The following TSC2 variants were observed in gnomAD, a reference collection of about 807,000 sequenced individuals.
TSC2 encodes the protein tuberin.
Under a neutral mutation model 202.2 loss-of-function variants are expected in TSC2, and 29 were observed. The observed-to-expected ratio is 0.14, with a 90% CI of 0.11 to 0.20. TSC2 has a LOEUF of 0.20. Ranked by LOEUF, TSC2 falls within the 10% of genes least tolerant of loss-of-function variation. TSC2 has a pLI of 1.00. For missense variants in TSC2, 2,429 were observed against 2,420.0 expected, an observed-to-expected ratio of 1.00 and a Z score of -0.08; for synonymous variants, 1,349 against 1,044.0, an observed-to-expected ratio of 1.29 and a Z score of -5.63.
At position 2,055,068 on chromosome 16, in the gene TSC2, G is replaced by T. The variant is rs191403872; in HGVS notation, c.482-334G>T. ...TCCTCCGAGCCACTCTCTGCTGGGG[G>T]TGGGGAACGCCCAGGAGTCTGGTGA... On this transcript the variant is annotated intron_variant, in intron 5 of 41. Transcript: ENST00000219476. The T allele has an allele frequency of 1.2e-5, 5 of 422,730 alleles. No individual in the cohort carries two copies. In the East Asian group the frequency reaches 1.5e-4, roughly 13 times the overall value. 26.2% of individuals were successfully genotyped at this position (422,730 alleles called of 1,614,324 possible).
chr16:2,076,191 G>T (rs376889517), intron 24 of TSC2, 21 bp downstream of exon 24: 1 of 1,613,348 alleles, frequency 6.2e-7, no homozygotes, highest in Non-Finnish European at 8.5e-7. Flanking sequence ...GGCCGGTGAA[G>T]GCTGTGTCTC....
In TSC2 at chr16:2,080,197, G is replaced by T. The variant is rs45517294; in HGVS notation, c.3430G>T (p.Val1144Leu). The T allele has an allele frequency of 1.9e-6, 3 of 1,612,800 alleles. No homozygotes were observed. The highest frequency in any genetic ancestry group is 4.5e-5 in the East Asian group (2 of 44,884). Reference protein sequence around the residue: ...GHGLRVGALDVPASQFLGSAT... With the variant: ...GHGLRVGALDLPASQFLGSAT... ...TGGTCTTCGAGTTGGCGCCCTGGAC[G>T]TGCCGGCCTCCCAGTTCCTGGGCAG... Residue 1144 changes from valine to leucine, a missense_variant, in exon 30 of 42, where the codon GTG (valine) becomes TTG (leucine). By Grantham distance (32) the Val-to-Leu change is conservative. Coordinates refer to ENST00000219476, the MANE Select transcript of TSC2 (RefSeq NM_000548.5).
chr16:2,050,297 A>T, intron 2 of TSC2, 103 bp from the exon 3 acceptor site: 1 of 1,083,200 alleles, frequency 9.2e-7, no homozygotes, highest in Non-Finnish European at 1.4e-6. Context: ...TTAAGTCTCT[A>T]GTCTGGAAAA....
At chr16:2,061,693 C>G (rs1345227622) in intron 11 of TSC2, 178 bp from the exon 12 acceptor site, 8 of 1,040,616 alleles carry the variant, frequency 7.7e-6, no homozygotes, top group Admixed American at 6.0e-5. Flanking sequence ...CTGGGGGTGT[C>G]TCAACCCATG....
intron 7 of TSC2, 130 bp from the exon 8 acceptor site, chr16:2,056,514 A>G (rs1596276930): frequency 7.1e-7 from 1 of 1,401,412 alleles, no homozygotes. Context: ...TGTGGCTTGG[A>G]GAGAGGGTGC....
At chr16:2,082,863 G>A (rs1036083182) in intron 32 of TSC2, 16 of 424,084 alleles carry the variant, frequency 3.8e-5, no homozygotes, top group African/African-American at 1.4e-4. Flanking sequence ...TGCACCGAGC[G>A]GGCCTTGCCC....
rs45517340 is a variant in TSC2, at chr16:2,084,597, C to A, written c.4375C>A (p.Arg1459=). The change falls in exon 34 of 42, where the codon CGA becomes AGA. Residue 1459 remains arginine (R), a synonymous_variant. Transcript: ENST00000219476. ...SPRSPSGLRP[R]GYTISDSAPS... ...CCGCTCGCCCAGTGGCCTCCGGCCC[C>A]GAGGTTACACCATCTCCGACTCGGC... 6.2e-7 allele frequency: 1 copy of A among 1,604,126 alleles called. No individual in the cohort carries two copies. The highest frequency in any genetic ancestry group is 8.5e-7 in the Non-Finnish European group (1 of 1,179,682).
In TSC2 at chr16:2,082,439, C is replaced by T. The variant is rs749367382; in HGVS notation, c.3818C>T (p.Ala1273Val). Residue 1273 changes from alanine (A) to valine (V), a missense_variant, in exon 32 of 42, where the codon GCC (alanine) becomes GTC (valine). Ala to Val is a moderately conservative substitution (Grantham distance 64, BLOSUM62 0). Coordinates refer to ENST00000219476, the MANE Select transcript of TSC2 (RefSeq NM_000548.5). ...PPPLPRSNTV[A>V]SFSSLYQSSC... The stretch of plus-strand genomic sequence containing the variant: ...CGCACACGGCCTTCCCTTGCAGTGG[C>T]CTCTTTCTCCTCCCTGTACCAGTCC... The T allele has an allele frequency of 1.3e-5, 21 of 1,612,590 alleles. 1 individual carries two copies. The Middle Eastern group carries it at 1.5e-3, about 114-fold the overall frequency.
intron 3 of TSC2, among the ~76,000 whole-genome samples, chr16:2,052,069 CAAAA>C (rs908926173): frequency 2.6e-5 from 4 of 151,524 alleles, no homozygotes; most frequent in African/African-American, 4.9e-5. Context: ...TCTCAGAAAA[CAAAA>C]AAAAGAACAA....
Position 2,088,898 on chromosome 16 carries a change from C to CACACAG in TSC2, c.*289_*290insCACAGA. On this transcript the variant is annotated 3_prime_UTR_variant, in exon 42 of 42. Coordinates refer to ENST00000219476, the MANE Select transcript of TSC2 (RefSeq NM_000548.5). ...GCGCGCGCGCACACACACACACACA[C>CACACAG]AGTCACCTTCCTCCACCCTGGGAGC... 2.3e-6 allele frequency: 1 copy of CACACAG among 431,588 alleles called. No individual in the cohort carries two copies. The allele number at this position is 431,588 out of a possible 1,614,324, so 26.7% of individuals were successfully genotyped here.
intron 26 of TSC2, chr16:2,078,389 A>T (rs1261138734): frequency 6.1e-6 from 1 of 164,670 alleles, no homozygotes; most frequent in East Asian, 1.8e-4. Flanking sequence ...CCCTCAGTCC[A>T]TCCACCTCCT....
At position 2,054,198 on chromosome 16, in the gene TSC2, A is replaced by G. The variant is rs925307448; in HGVS notation, c.337-98A>G. ...GCCTCTGTGGGAAGGAGAGGGGTCCAGGGCTGGAGTCCGGGTGCCCCTGCA... is the reference window on the plus strand; with the variant it reads ...GCCTCTGTGGGAAGGAGAGGGGTCCGGGGCTGGAGTCCGGGTGCCCCTGCA... On this transcript the variant is annotated intron_variant, in intron 4 of 41. Coordinates refer to ENST00000219476, the MANE Select transcript of TSC2 (RefSeq NM_000548.5). 3.1e-6 allele frequency: 5 copies of G among 1,592,514 alleles called. No homozygotes were observed. In the South Asian group the frequency reaches 5.5e-5, roughly 18 times the overall value.
intron 8 of TSC2, 82 bp from the exon 9 acceptor site, chr16:2,057,023 A>G: frequency 6.6e-7 from 1 of 1,524,652 alleles, no homozygotes; most frequent in Non-Finnish European, 8.9e-7. Context: ...ATAGGGCAGC[A>G]GCCAGGCGGG....
intron 22 of TSC2, chr16:2,074,671 C>T (rs931674488): frequency 3.8e-6 from 2 of 525,254 alleles, no homozygotes; most frequent in African/African-American, 1.9e-5. Flanking sequence ...GGCCTCCTCT[C>T]TGTCCAACAG....
intron 14 of TSC2, 86 bp downstream of exon 14, chr16:2,063,139 G>A: frequency 1.4e-6 from 2 of 1,478,516 alleles, no homozygotes; most frequent in Non-Finnish European, 1.8e-6. Context: ...CTCCCGCAGA[G>A]CCGGGCTCTG....
At chr16:2,052,004 G>A (rs1158298490) in intron 3 of TSC2, among the ~76,000 whole-genome samples, 1 of 152,204 alleles carries the variant, frequency 6.6e-6, no homozygotes, top group East Asian at 1.9e-4. Context: ...GGCAGAGGTT[G>A]TGGTGAGCTG....
In TSC2 at chr16:2,058,826, T is replaced by C. The variant is rs2151108393; in HGVS notation, c.928T>C (p.Tyr310His). Residue 310 changes from tyrosine (Y) to histidine (H), a missense_variant, in exon 10 of 42, where the codon TAT becomes CAT. Coordinates refer to ENST00000219476, the MANE Select transcript of TSC2 (RefSeq NM_000548.5). ...GGCTCTCTGGGGAGCCCACCGGCTC[T>C]ATTCTCTCAGGAACTCGCCGACATC... Reference protein sequence around the residue: ...GMALWGAHRLYSLRNSPTSVL... With the variant: ...GMALWGAHRLHSLRNSPTSVL... 3.1e-6 allele frequency: 5 copies of C among 1,605,598 alleles called. No homozygotes were observed. Among genetic ancestry groups the C allele is most frequent in the Non-Finnish European group, 4.3e-6 (5 of 1,176,020 alleles).
rs2151044801 is a variant in TSC2, at chr16:2,054,436, G to C, written c.477G>C (p.Glu159Asp). 1 of 1,614,214 alleles carries C rather than the reference G, an allele frequency of 6.2e-7. No homozygotes were observed. Among genetic ancestry groups the C allele is most frequent in the South Asian group, 1.1e-5 (1 of 91,090 alleles). ...NGRHITYLEE[E>D]LADFVLQWMD... The stretch of plus-strand genomic sequence containing the variant: ...GACACATCACCTACTTGGAGGAAGA[G>C]CTGGGTGGGTGCCACCTTGGGTTGG... The change falls in exon 5 of 42, where the codon GAG (glutamate) becomes GAC (aspartate). Residue 159 changes from glutamate to aspartate, a missense_variant. Transcript: ENST00000219476.
intron 16 of TSC2, among the ~76,000 whole-genome samples, chr16:2,069,927 C>T (rs1045348016): frequency 1.7e-4 from 26 of 152,146 alleles, no homozygotes; most frequent in Admixed American, 8.5e-4. Context: ...TCATTTCTTT[C>T]AATGATTTTT....
Sources: allele counts gnomAD v4.1 joint callset (sites outside exome capture counted in the v4.1 genomes callset), GRCh38; gene constraint gnomAD v4.1.1; transcripts MANE v1.5; gene names NCBI Gene and HGNC (gene_info 2026-07-23, HGNC 2026-07-21).